Variants in LIX1 observed in about 807,000 individuals in gnomAD.
LIX1 encodes protein limb expression 1 homolog.
A neutral mutation model predicts 33.4 loss-of-function variants in LIX1; 24 were observed. That is an observed-to-expected ratio of 0.72 (90% CI 0.52 to 1.01). The LOEUF (loss-of-function observed/expected upper bound fraction) is 1.01. LIX1 is among the 50% of genes least tolerant of loss of function. The pLI is 0.00. For synonymous variants in LIX1, 124 were observed against 124.0 expected (o/e 1.00, Z 0.00); for missense variants, 311 against 339.2 (o/e 0.92, Z 0.65).
chr5:97,116,559 G>A (rs1747641059), intron 2 of LIX1, among the ~76,000 whole-genome samples: 1 of 152,076 alleles, frequency 6.6e-6, no homozygotes, highest in African/African-American at 2.4e-5. Context: ...TAAACCACCT[G>A]GCCTTCTCCT....
intron 4 of LIX1, among the ~76,000 whole-genome samples, chr5:97,100,274 C>T (rs1201846279): frequency 6.6e-6 from 1 of 152,194 alleles, no homozygotes; most frequent in African/African-American, 2.4e-5. Flanking sequence ...CTGCTTTCGT[C>T]TCCAGGATGA....
intron 4 of LIX1, among the ~76,000 whole-genome samples, chr5:97,097,468 C>T (rs1336392125): frequency 6.6e-6 from 1 of 152,136 alleles, no homozygotes; most frequent in Non-Finnish European, 1.5e-5. Context: ...TCGCTATATA[C>T]ATGTTTGCTT....
At chr5:97,126,637 CTTTTT>C (rs1016872695) in intron 1 of LIX1, among the ~76,000 whole-genome samples, 1 of 123,642 alleles carries the variant, frequency 8.1e-6, no homozygotes, top group Admixed American at 8.0e-5. Context: ...TATTTTCTTT[CTTTTT>C]TTTTTTTTTT....
At position 97,122,978 on chromosome 5, in the gene LIX1, T is replaced by C. The variant is rs375452937; in HGVS notation, c.246+1488A>G. 5.3e-4 allele frequency among the ~76,000 whole-genome samples: 80 copies of C among 152,372 alleles called. 1 individual carries two copies. The South Asian group carries it at 0.013, about 25-fold the overall frequency. On this transcript the variant is annotated intron_variant, in intron 2 of 5. Coordinates refer to ENST00000274382, the MANE Select transcript of LIX1 (RefSeq NM_153234.5). ...CATCACAGTCAGTGGAAACATCTCA[T>C]TGGACATCTGTCCTGTGGCTGACCG... is the stretch of plus-strand genomic sequence containing the variant.
chr5:97,107,483 G>C lies in LIX1; in HGVS notation c.264C>G (p.Ala88=). The change falls in exon 3 of 6, where the codon GCC becomes GCG. Residue 88 remains alanine (A), a synonymous_variant. Coordinates refer to ENST00000274382, the MANE Select transcript of LIX1 (RefSeq NM_153234.5). Reference sequence around the variant, plus strand: ...CTTTAGCTGCATCCCGCCTGGCCTCGGCTCTACTTAAGCAGCACTTGAGAA... The same window carrying C: ...CTTTAGCTGCATCCCGCCTGGCCTCCGCTCTACTTAAGCAGCACTTGAGAA... ...FGNFQCCLSR[A]EARRDAAKVA... is the part of the protein sequence containing the mutation. 1 of 1,613,958 alleles carries C rather than the reference G, an allele frequency of 6.2e-7. No individual in the cohort carries two copies. Among genetic ancestry groups the C allele is most frequent in the East Asian group, 2.2e-5 (1 of 44,882 alleles).
intron 4 of LIX1, chr5:97,103,126 T>C (rs1252539407): frequency 6.8e-6 from 3 of 442,124 alleles, no homozygotes; most frequent in Non-Finnish European, 1.3e-5. Context: ...TTATATTCTT[T>C]CTCTTGAAAA....
At chr5:97,102,820 C>A (rs917605998) in intron 4 of LIX1, among the ~76,000 whole-genome samples, 1 of 151,532 alleles carries the variant, frequency 6.6e-6, no homozygotes, top group South Asian at 2.1e-4. Flanking sequence ...CCAAAAATAG[C>A]GCTAAATCAC....
In LIX1 at chr5:97,137,040, A is replaced by G. The variant is rs907378557; in HGVS notation, c.82+5455T>C. 18 of 394,230 alleles carry G rather than the reference A, an allele frequency of 4.6e-5. No homozygotes were observed. The Admixed American group carries it at 5.3e-4, about 12-fold the overall frequency. The allele number at this position is 394,230 out of a possible 1,614,324, so 24.4% of individuals were successfully genotyped here. A position where few individuals can be genotyped will look rare whatever the true frequency, so the allele number is the denominator to read the frequency against. On this transcript the variant is annotated intron_variant, in intron 1 of 5. Coordinates refer to ENST00000274382, the MANE Select transcript of LIX1 (RefSeq NM_153234.5). ...AAGTTGTCTTACATTTCTTAAATCAATCTGTAGCACATAATCAGTAAAACC... is the reference window on the plus strand; with the variant it reads ...AAGTTGTCTTACATTTCTTAAATCAGTCTGTAGCACATAATCAGTAAAACC...
At position 97,123,631 on chromosome 5, in the gene LIX1, T is replaced by C. The variant is rs141818905; in HGVS notation, c.246+835A>G. Among the ~76,000 whole-genome samples the C allele has an allele frequency of 5.3e-5, 8 of 152,346 alleles. No homozygotes were observed. In the East Asian group the frequency reaches 1.5e-3, roughly 29 times the overall value. On this transcript the variant is annotated intron_variant, in intron 2 of 5. Transcript: ENST00000274382. The stretch of plus-strand genomic sequence containing the variant: ...GTAATCTTTCTGAAGTACATTTGAA[T>C]ACATCACTCTTCTGCTCAGAATCCT...
Position 97,117,595 on chromosome 5 carries a change from C to T in LIX1, c.246+6871G>A, listed in dbSNP as rs767909439. ...ATGGACTTTGAGAAGACTCATTTAA[C>T]GCATGGAAGTATAAAACGCGTTTTT... is the stretch of plus-strand genomic sequence containing the variant. On this transcript the variant is annotated intron_variant, in intron 2 of 5. Transcript: ENST00000274382. Among the ~76,000 whole-genome samples, 100 of 152,238 alleles carry T rather than the reference C, an allele frequency of 6.6e-4. No individual in the cohort carries two copies. In the Middle Eastern group the frequency reaches 0.031, roughly 47 times the overall value.
rs1747865712 is a variant in LIX1 at position 97,124,556 on chromosome 5, A to T, written c.156T>A (p.Gly52=). ...CTGGCAGTGACTCATAGACCACCAC[A>T]CCTTCACTTGGGAATGCAGCCTTCT... ...QQQKAAFPSE[G]VVVYESLPAP... Residue 52 remains glycine, a synonymous_variant, in exon 2 of 6, where the codon GGT becomes GGA. Transcript: ENST00000274382. 3 of 1,611,910 alleles carry T rather than the reference A, an allele frequency of 1.9e-6. No individual in the cohort carries two copies. The highest frequency in any genetic ancestry group is 2.5e-6 in the Non-Finnish European group (3 of 1,178,704).
At chr5:97,095,395 C>G (rs1243645178) in intron 5 of LIX1, among the ~76,000 whole-genome samples, 1 of 152,206 alleles carries the variant, frequency 6.6e-6, no homozygotes, top group Non-Finnish European at 1.5e-5. Flanking sequence ...TGTTGCCCAG[C>G]ATTATTTCCT....
chr5:97,112,890 C>A lies in LIX1; in HGVS notation c.247-5390G>T, dbSNP rs1747480615. On this transcript the variant is annotated intron_variant, in intron 2 of 5. Transcript: ENST00000274382. The stretch of plus-strand genomic sequence containing the variant: ...GCCAGTTTGTAAGATTCCCCAGTGA[C>A]CCCTGCCCCGTGGCATTCACACCCT... 2.0e-5 allele frequency among the ~76,000 whole-genome samples: 3 copies of A among 152,052 alleles called. No homozygotes were observed. The South Asian group carries it at 6.2e-4, about 32-fold the overall frequency.
chr5:97,127,833 G>T (rs1747967007), intron 1 of LIX1, among the ~76,000 whole-genome samples: 1 of 152,188 alleles, frequency 6.6e-6, no homozygotes, highest in African/African-American at 2.4e-5. Flanking sequence ...TACCAAGTGT[G>T]CAATATCCAT....
chr5:97,135,837 A>T (rs952679119), intron 1 of LIX1, among the ~76,000 whole-genome samples: 16 of 152,078 alleles, frequency 1.1e-4, no homozygotes, highest in African/African-American at 3.6e-4. Flanking sequence ...TAAAAATAAA[A>T]AAATAAAAAT....
intron 2 of LIX1, among the ~76,000 whole-genome samples, chr5:97,114,634 A>G (rs777719153): frequency 1.3e-5 from 2 of 152,148 alleles, no homozygotes; most frequent in African/African-American, 2.4e-5. Flanking sequence ...CTTCAGCTAT[A>G]TGATGGTGGG....
intron 2 of LIX1, among the ~76,000 whole-genome samples, chr5:97,120,522 T>A (rs1747751024): frequency 6.6e-6 from 1 of 152,104 alleles, no homozygotes; most frequent in Non-Finnish European, 1.5e-5. Flanking sequence ...AGGTAGGGAG[T>A]TCCATCAGGG....
chr5:97,132,216 C>T (rs1402518792), intron 1 of LIX1, among the ~76,000 whole-genome samples: 1 of 152,092 alleles, frequency 6.6e-6, no homozygotes, highest in African/African-American at 2.4e-5. Context: ...AAATCCAAGA[C>T]GGGTCTCTGC....
At chr5:97,115,047 C>T (rs1290550172) in intron 2 of LIX1, among the ~76,000 whole-genome samples, 1 of 152,186 alleles carries the variant, frequency 6.6e-6, no homozygotes, top group Non-Finnish European at 1.5e-5. Flanking sequence ...CATAGCACTA[C>T]TGACTTAACT....
Sources: gnomAD v4.1 joint callset for allele counts (sites outside exome capture counted in the v4.1 genomes callset) on GRCh38, gnomAD v4.1.1 for gene constraint, MANE v1.5 for transcripts, NCBI Gene and HGNC (gene_info 2026-07-23, HGNC 2026-07-21) for gene names.